BNC2: variants seen among roughly 807,000 people sequenced by gnomAD.
BNC2 encodes basonuclin zinc finger protein 2.
A neutral mutation model predicts 76.3 loss-of-function variants in BNC2; 20 were observed. The ratio of observed to expected loss-of-function variants is 0.26; its 90% CI spans 0.18 to 0.38. The LOEUF (loss-of-function observed/expected upper bound fraction) is 0.38. Among genes scored for constraint, BNC2 ranks in the 10% least tolerant of loss-of-function variants. The pLI is 1.00. For synonymous variants in BNC2, 582 were observed against 514.8 expected, an observed-to-expected ratio of 1.13 and a Z score of -1.77; for missense variants, 1,382 against 1,399.8, an observed-to-expected ratio of 0.99 and a Z score of 0.20.
Position 16,688,697 on chromosome 9 carries a change from C to CAA in BNC2, c.330+39098_330+39099dup, listed in dbSNP as rs773746486. 2.7e-5 allele frequency among the ~76,000 whole-genome samples: 4 copies of CAA among 149,788 alleles called. No homozygotes were observed. In the East Asian group the frequency reaches 7.8e-4, roughly 29 times the overall value. On this transcript the variant is annotated intron_variant, in intron 3 of 6. Transcript: ENST00000380672. ...GTAATAAAATCATTTAACTTAAAAA[C>CAA]AAAAAAAAATGGTGAACTGTTCAGC... is the stretch of plus-strand genomic sequence containing the variant.
chr9:16,516,441 A>G (rs1817442799), intron 5 of BNC2, among the ~76,000 whole-genome samples: 1 of 152,172 alleles, frequency 6.6e-6, no homozygotes, highest in African/African-American at 2.4e-5. Context: ...TGCAGCTGTC[A>G]AGATAACTCA....
chr9:16,761,529 T>C (rs1442424729), intron 1 of BNC2, among the ~76,000 whole-genome samples: 1 of 152,204 alleles, frequency 6.6e-6, no homozygotes, highest in African/African-American at 2.4e-5. Flanking sequence ...AACAAATCAA[T>C]ACCAGAAAAT....
intron 1 of BNC2, 55 bp downstream of exon 1, chr9:16,870,591 G>A (rs1467817274): frequency 6.2e-7 from 1 of 1,600,216 alleles, no homozygotes; most frequent in South Asian, 1.1e-5. Context: ...CGGGCGCGGG[G>A]GTCATTTCTG....
At chr9:16,518,672 C>T (rs1481191175) in intron 5 of BNC2, among the ~76,000 whole-genome samples, 1 of 152,116 alleles carries the variant, frequency 6.6e-6, no homozygotes, top group Non-Finnish European at 1.5e-5. Flanking sequence ...ACCGTCTTGG[C>T]TCACTGCAAC....
intron 4 of BNC2, among the ~76,000 whole-genome samples, chr9:16,574,156 AT>A (rs1819417131): frequency 6.6e-6 from 1 of 152,172 alleles, no homozygotes; most frequent in Admixed American, 6.5e-5. Context: ...AAACCCTTCA[AT>A]TTGTGTTCTG....
intron 3 of BNC2, among the ~76,000 whole-genome samples, chr9:16,675,323 C>T (rs1457463599): frequency 1.3e-5 from 2 of 151,824 alleles, no homozygotes; most frequent in East Asian, 1.9e-4. Context: ...AATGTGATAT[C>T]GACTCACCAC....
chr9:16,585,639 T>C (rs1161854984), intron 3 of BNC2, among the ~76,000 whole-genome samples: 1 of 152,188 alleles, frequency 6.6e-6, no homozygotes, highest in Non-Finnish European at 1.5e-5. Flanking sequence ...CATAAAACTT[T>C]GACATACTAT....
intron 3 of BNC2, among the ~76,000 whole-genome samples, chr9:16,633,464 C>T (rs1429688576): frequency 6.6e-6 from 1 of 152,208 alleles, no homozygotes; most frequent in South Asian, 2.1e-4. Flanking sequence ...CTTAAAAGAG[C>T]CTCTTTTTAA....
At chr9:16,533,062 A>C (rs1315750424) in intron 5 of BNC2, among the ~76,000 whole-genome samples, 2 of 152,222 alleles carry the variant, frequency 1.3e-5, no homozygotes, top group Non-Finnish European at 2.9e-5. Context: ...CACTCATTTA[A>C]ACTTTATAAT....
At chr9:16,419,741 C>T in intron 6 of BNC2, 92 bp from the exon 7 acceptor site, 4 of 835,014 alleles carry the variant, frequency 4.8e-6, no homozygotes, top group Middle Eastern at 2.5e-4. Flanking sequence ...TCAGCTTTCA[C>T]TAGGTATCAA....
intron 1 of BNC2, among the ~76,000 whole-genome samples, chr9:16,770,439 T>G (rs151163292): frequency 7.9e-4 from 120 of 152,312 alleles, no homozygotes; most frequent in African/African-American, 2.7e-3. Flanking sequence ...TAAATTAACT[T>G]GGTCTTTGGC....
At chr9:16,851,934 A>C (rs1819136783) in intron 1 of BNC2, among the ~76,000 whole-genome samples, 1 of 152,214 alleles carries the variant, frequency 6.6e-6, no homozygotes, top group Non-Finnish European at 1.5e-5. Context: ...CCACCAGAGG[A>C]TGAATATTAA....
intron 4 of BNC2, among the ~76,000 whole-genome samples, chr9:16,573,612 T>C (rs1214094226): frequency 6.6e-6 from 1 of 152,110 alleles, no homozygotes; most frequent in African/African-American, 2.4e-5. Flanking sequence ...TTTAAATTTG[T>C]AGCGTCACTT....
At chr9:16,867,828 G>T (rs951528586) in intron 1 of BNC2, 3 of 151,498 alleles carry the variant, frequency 2.0e-5, no homozygotes, top group Non-Finnish European at 4.4e-5. Flanking sequence ...TACAAGAAAA[G>T]ATCAATTTGC....
At chr9:16,606,425 C>T (rs1820386576) in intron 3 of BNC2, among the ~76,000 whole-genome samples, 1 of 152,120 alleles carries the variant, frequency 6.6e-6, no homozygotes, top group Admixed American at 6.5e-5. Flanking sequence ...TCCCATAATT[C>T]CCACATGTTG....
chr9:16,630,354 G>T (rs1372785583), intron 3 of BNC2, among the ~76,000 whole-genome samples: 1 of 152,164 alleles, frequency 6.6e-6, no homozygotes, highest in East Asian at 1.9e-4. Flanking sequence ...CCAAAATTAT[G>T]ATTAAATTAT....
At chr9:16,585,674 C>A (rs936640288) in intron 3 of BNC2, among the ~76,000 whole-genome samples, 1 of 152,126 alleles carries the variant, frequency 6.6e-6, no homozygotes, top group African/African-American at 2.4e-5. Flanking sequence ...ATAGAACCAA[C>A]GTGATCACTG....
At chr9:16,801,471 C>T (rs1391724423) in intron 1 of BNC2, among the ~76,000 whole-genome samples, 1 of 151,420 alleles carries the variant, frequency 6.6e-6, no homozygotes, top group South Asian at 2.1e-4. Context: ...CTCGTGACCT[C>T]GTGATCTACC....
chr9:16,474,364 A>C (rs1188074554), intron 5 of BNC2, among the ~76,000 whole-genome samples: 1 of 152,252 alleles, frequency 6.6e-6, no homozygotes, highest in African/African-American at 2.4e-5. Context: ...AGAGACAATG[A>C]GGACCTGAAT....
Sources: gnomAD v4.1 joint callset for allele counts (sites outside exome capture counted in the v4.1 genomes callset) on GRCh38, gnomAD v4.1.1 for gene constraint, MANE v1.5 for transcripts, NCBI Gene and HGNC (gene_info 2026-07-23, HGNC 2026-07-21) for gene names.